Variants in NEMP2 observed in about 807,000 individuals in gnomAD.
NEMP2 encodes UPF0571 transmembrane protein.
NEMP2 carries 53 observed loss-of-function variants against 54.2 expected under a neutral mutation model. The observed-to-expected ratio is 0.98, with a 90% CI of 0.78 to 1.23. NEMP2 has a LOEUF of 1.23. Among genes scored for constraint, NEMP2 ranks in the 50% most tolerant of loss-of-function variants. The pLI, the probability that NEMP2 is intolerant of heterozygous loss-of-function variation, is 0.00. For synonymous variants in NEMP2, 197 were observed against 190.3 expected, an observed-to-expected ratio of 1.04 and a Z score of -0.29; for missense variants, 455 against 511.3, an observed-to-expected ratio of 0.89 and a Z score of 1.06.
the NEMP2 span, among the ~76,000 whole-genome samples, chr2:190,544,423 G>A: frequency 6.6e-6 from 1 of 151,746 alleles, no homozygotes; most frequent in African/African-American, 2.4e-5. Context: ...TAAAGCTCTT[G>A]GTAAAAAAAA....
At chr2:190,646,224 G>A in the NEMP2 span, among the ~76,000 whole-genome samples, 1 of 152,200 alleles carries the variant, frequency 6.6e-6, no homozygotes, top group Non-Finnish European at 1.5e-5. Flanking sequence ...CCTTGAAACT[G>A]TTTGATCTCT....
chr2:190,463,270 T>C, the NEMP2 span, among the ~76,000 whole-genome samples: 1 of 152,202 alleles, frequency 6.6e-6, no homozygotes, highest in Non-Finnish European at 1.5e-5. This position sits in a 1 kb window ranked among gnomAD's most constrained non-coding sequence, Gnocchi z 4.4. Context: ...TCTAAAGAGT[T>C]TGGATATATA....
At chr2:190,535,199 T>C (rs550722565), upstream of NEMP2, 2 of 152,430 alleles carry the variant, frequency 1.3e-5, no homozygotes, top group East Asian at 3.9e-4. Context: ...AGCCAGTTTC[T>C]TTATTTTACC....
At chr2:190,601,958 C>CGAG in the NEMP2 span, among the ~76,000 whole-genome samples, 1 of 152,112 alleles carries the variant, frequency 6.6e-6, no homozygotes, top group Non-Finnish European at 1.5e-5. This position sits in a 1 kb window ranked among gnomAD's most constrained non-coding sequence, Gnocchi z 5.8. Flanking sequence ...CCACTTACAC[C>CGAG]GAGGACTGTT....
At chr2:190,503,853 T>C (rs1458153911), downstream of NEMP2, among the ~76,000 whole-genome samples, 1 of 152,194 alleles carries the variant, frequency 6.6e-6, no homozygotes, top group Non-Finnish European at 1.5e-5. The surrounding 1 kb of genome is among the most constrained non-coding windows in gnomAD (Gnocchi z 6.3). Flanking sequence ...ATTTACACTA[T>C]GCCAGGACAA....
chr2:190,440,502 A>G, the NEMP2 span, among the ~76,000 whole-genome samples: 1 of 152,258 alleles, frequency 6.6e-6, no homozygotes, highest in Non-Finnish European at 1.5e-5. Context: ...AATGATTAAC[A>G]GGATATAAAT....
chr2:190,488,886 A>C, the NEMP2 span: 9 of 1,381,658 alleles, frequency 6.5e-6, no homozygotes, highest in Admixed American at 2.5e-5. The surrounding 1 kb of genome is among the most constrained non-coding windows in gnomAD (Gnocchi z 6.4). Context: ...GCAATACCTC[A>C]ATAAACAATC....
the NEMP2 span, among the ~76,000 whole-genome samples, chr2:190,599,796 G>A: frequency 6.6e-6 from 1 of 152,094 alleles, no homozygotes; most frequent in African/African-American, 2.4e-5. Flanking sequence ...GATGGCACGT[G>A]GGCCTATTTT....
At chr2:190,470,225 T>C in the NEMP2 span, among the ~76,000 whole-genome samples, 4 of 152,248 alleles carry the variant, frequency 2.6e-5, no homozygotes, top group African/African-American at 9.6e-5. Flanking sequence ...TTAACTATAG[T>C]TACTGAAAAA....
chr2:190,638,411 G>A, the NEMP2 span, among the ~76,000 whole-genome samples: 4 of 152,042 alleles, frequency 2.6e-5, no homozygotes, highest in Non-Finnish European at 5.9e-5. The surrounding 1 kb of genome is among the most constrained non-coding windows in gnomAD (Gnocchi z 5.7). Flanking sequence ...GCCACACAGA[G>A]GGGCCTTGTG....
the NEMP2 span, among the ~76,000 whole-genome samples, chr2:190,465,166 T>C: frequency 1.3e-5 from 2 of 152,210 alleles, no homozygotes; most frequent in Non-Finnish European, 2.9e-5. This position sits in a 1 kb window ranked among gnomAD's most constrained non-coding sequence, Gnocchi z 4.6. Context: ...TGTAGTTTGC[T>C]CAAATACAGG....
the NEMP2 span, among the ~76,000 whole-genome samples, chr2:190,595,941 C>T: frequency 6.6e-6 from 1 of 152,192 alleles, no homozygotes; most frequent in African/African-American, 2.4e-5. This position sits in a 1 kb window ranked among gnomAD's most constrained non-coding sequence, Gnocchi z 4.0. Flanking sequence ...TATAAAGACA[C>T]ATGCACACAT....
At chr2:190,456,234 C>T in the NEMP2 span, among the ~76,000 whole-genome samples, 1 of 152,144 alleles carries the variant, frequency 6.6e-6, no homozygotes, top group South Asian at 2.1e-4. The surrounding 1 kb of genome is among the most constrained non-coding windows in gnomAD (Gnocchi z 5.4). Flanking sequence ...AGCCACCATG[C>T]CTGGCCTGCT....
intron 5 of NEMP2, 151 bp downstream of exon 5, chr2:190,517,369 C>T (rs1690598142): frequency 3.5e-6 from 2 of 579,638 alleles, no homozygotes; most frequent in Non-Finnish European, 5.9e-6. Flanking sequence ...TCAGGAACTC[C>T]AGAAAAAGAT....
At chr2:190,644,276 T>C in the NEMP2 span, among the ~76,000 whole-genome samples, 1 of 152,238 alleles carries the variant, frequency 6.6e-6, no homozygotes, top group Admixed American at 6.5e-5. The surrounding 1 kb of genome is among the most constrained non-coding windows in gnomAD (Gnocchi z 4.4). Context: ...GAAAAGGGAA[T>C]AGCTTGTTCA....
chr2:190,515,949 C>G (rs1439162274), intron 6 of NEMP2, among the ~76,000 whole-genome samples: 1 of 152,064 alleles, frequency 6.6e-6, no homozygotes, highest in Non-Finnish European at 1.5e-5. Flanking sequence ...TTTTACATTA[C>G]CAGTTAGATG....
At chr2:190,641,023 A>G in the NEMP2 span, 7 of 151,984 alleles carry the variant, frequency 4.6e-5, no homozygotes, top group African/African-American at 1.2e-4. Flanking sequence ...ATCTGTCCCA[A>G]CTACTCCATC....
the NEMP2 span, among the ~76,000 whole-genome samples, chr2:190,434,721 C>A: frequency 6.6e-6 from 1 of 152,164 alleles, no homozygotes; most frequent in Non-Finnish European, 1.5e-5. The surrounding 1 kb of genome is among the most constrained non-coding windows in gnomAD (Gnocchi z 4.3). Context: ...TGTGAGCCAC[C>A]GCGCCCGGCC....
At chr2:190,622,621 G>A in the NEMP2 span, among the ~76,000 whole-genome samples, 1 of 152,156 alleles carries the variant, frequency 6.6e-6, no homozygotes, top group East Asian at 1.9e-4. Flanking sequence ...TGGTTTCTTA[G>A]ATATGACACC....
Sources: allele counts gnomAD v4.1 joint callset (sites outside exome capture counted in the v4.1 genomes callset), GRCh38; gene constraint gnomAD v4.1.1; non-coding constraint Gnocchi (gnomAD v3.1); transcripts MANE v1.5; gene names NCBI Gene and HGNC (gene_info 2026-07-23, HGNC 2026-07-21).